Variants in TRANK1 observed in about 807,000 individuals in gnomAD.
TRANK1 encodes tetratricopeptide repeat and ankyrin repeat containing 1.
A neutral mutation model predicts 266.0 loss-of-function variants in TRANK1; 198 were observed. The observed-to-expected ratio is 0.74, with a 90% CI of 0.66 to 0.84. The LOEUF (loss-of-function observed/expected upper bound fraction) is 0.84. TRANK1 is among the 40% of genes least tolerant of loss of function. The probability of loss-of-function intolerance (pLI) is 0.00; values close to 1 mark genes in which losing one functional copy is unlikely to be tolerated. For missense variants in TRANK1, 3,326 were observed against 3,634.6 expected (o/e 0.92, Z 2.18); for synonymous variants, 1,396 against 1,384.1 (o/e 1.01, Z -0.19).
chr3:36,924,540 GC>G (rs1301714194), intron 1 of TRANK1, among the ~76,000 whole-genome samples: 1 of 152,160 alleles, frequency 6.6e-6, no homozygotes, highest in Non-Finnish European at 1.5e-5. Context: ...GTGTAACACA[GC>G]ATAACCCTTA....
At chr3:36,887,236 G>C (rs745908438) in intron 8 of TRANK1, among the ~76,000 whole-genome samples, 13 of 152,154 alleles carry the variant, frequency 8.5e-5, no homozygotes, top group Non-Finnish European at 1.5e-5. Flanking sequence ...CTTTAGCACA[G>C]TGGTATGCTA....
Position 36,856,197 on chromosome 3 carries a change from A to C in TRANK1, c.3525T>G (p.Ala1175=). The change falls in exon 13 of 24, where the codon GCT becomes GCG. Residue 1175 remains alanine (A), a synonymous_variant. Transcript: ENST00000645898. ...AGVEPAGDGQ[A]AEVCAPEHPH... The stretch of plus-strand genomic sequence containing the variant: ...GATGTTCTGGTGCACATACTTCTGC[A>C]GCTTGGCCGTCCCCTGCTGGCTCCA... 2 of 1,613,952 alleles carry C rather than the reference A, an allele frequency of 1.2e-6. No individual in the cohort carries two copies. The highest frequency in any genetic ancestry group is 1.7e-6 in the Non-Finnish European group (2 of 1,179,872).
At position 36,856,452 on chromosome 3, in the gene TRANK1, C is replaced by T. The variant is rs1487110717; in HGVS notation, c.3270G>A (p.Leu1090=). The change falls in exon 13 of 24, where the codon TTG becomes TTA. Residue 1090 remains leucine, a synonymous_variant. Coordinates refer to ENST00000645898, the MANE Select transcript of TRANK1 (RefSeq NM_001329998.2). The part of the protein sequence containing the change: ...TGKTTCCLYR[L]WKKFHVYWEK... ...CCCAGTAAACGTGGAATTTCTTCCA[C>T]AATCTGTACAAGCAGCAGGTTGTCT... 1 of 1,613,962 alleles carries T rather than the reference C, an allele frequency of 6.2e-7. No individual in the cohort carries two copies. The highest frequency in any genetic ancestry group is 1.3e-5 in the African/African-American group (1 of 75,030).
intron 8 of TRANK1, among the ~76,000 whole-genome samples, chr3:36,889,251 A>G (rs146626724): frequency 1.2e-4 from 19 of 152,310 alleles, no homozygotes; most frequent in Admixed American, 3.9e-4. Flanking sequence ...GAGAGTTTCA[A>G]GAAAAATGAG....
intron 1 of TRANK1, among the ~76,000 whole-genome samples, chr3:36,936,420 A>G: frequency 6.6e-6 from 1 of 152,098 alleles, no homozygotes; most frequent in East Asian, 1.9e-4. Flanking sequence ...GAAGAGGTCA[A>G]GCCTGCAGTG....
intron 8 of TRANK1, among the ~76,000 whole-genome samples, chr3:36,888,633 T>G (rs903044307): frequency 6.6e-6 from 1 of 152,214 alleles, no homozygotes; most frequent in Non-Finnish European, 1.5e-5. Context: ...GAGAGGAAAC[T>G]GCAGTTTCCT....
rs781070115 is a variant in TRANK1 at position 36,833,295 on chromosome 3, C to A, written c.6288G>T (p.Arg2096Ser). 1 of 1,613,986 alleles carries A rather than the reference C, an allele frequency of 6.2e-7. No individual in the cohort carries two copies. The change falls in exon 22 of 24, where the codon AGG becomes AGT. Residue 2096 changes from arginine to serine, a missense_variant. Coordinates refer to ENST00000645898, the MANE Select transcript of TRANK1 (RefSeq NM_001329998.2). ...GGLEILLSLVRALKRVTNNAE... is the reference protein window; with the variant it reads ...GGLEILLSLVSALKRVTNNAE... Reference sequence around the variant, plus strand: ...CATTGTTGGTCACTCTTTTGAGAGCCCTGACCAGACTGAGGAGGATTTCCA... The same window carrying A: ...CATTGTTGGTCACTCTTTTGAGAGCACTGACCAGACTGAGGAGGATTTCCA...
rs1213495298 is a variant in TRANK1, at chr3:36,831,564, C to T, written c.8019G>A (p.Leu2673=). 1 of 1,613,470 alleles carries T rather than the reference C, an allele frequency of 6.2e-7. No individual in the cohort carries two copies. The highest frequency in any genetic ancestry group is 8.5e-7 in the Non-Finnish European group (1 of 1,179,626). ...AGTAGTCCACAGGGTCCAAACAGAG[C>T]AGGCGGTTTAGTCTGACCTCCTCAT... is the stretch of plus-strand genomic sequence containing the variant. ...LYYEEVRLNR[L]LCLDPVDYFA... Residue 2673 remains leucine, a synonymous_variant, in exon 22 of 24, where the codon CTG becomes CTA. Coordinates refer to ENST00000645898, the MANE Select transcript of TRANK1 (RefSeq NM_001329998.2). This position sits in a 1 kb window ranked among gnomAD's most constrained non-coding sequence, Gnocchi z 5.0.
At chr3:36,939,984 G>C (rs980233064) in intron 1 of TRANK1, among the ~76,000 whole-genome samples, 3 of 151,386 alleles carry the variant, frequency 2.0e-5, no homozygotes, top group African/African-American at 7.3e-5. Context: ...TCCACCTCCC[G>C]GGTTCAAGCG....
chr3:36,851,061 C>A lies in TRANK1; in HGVS notation c.4887+658G>T, dbSNP rs918715757. Reference sequence around the variant, plus strand: ...AACGGCTGTGAGTTGGTAGCTCTACCCATAATGAACTAAGCTTGGGGAGAA... The same window carrying A: ...AACGGCTGTGAGTTGGTAGCTCTACACATAATGAACTAAGCTTGGGGAGAA... On this transcript the variant is annotated intron_variant, in intron 15 of 23. Transcript: ENST00000645898. 3 of 985,342 alleles carry A rather than the reference C, an allele frequency of 3.0e-6. No homozygotes were observed. In the African/African-American group the frequency reaches 5.2e-5, roughly 17 times the overall value. The allele number at this position is 985,342 out of a possible 1,614,324, so 61.0% of individuals were successfully genotyped here.
chr3:36,833,474 C>T lies in TRANK1; in HGVS notation c.6109G>A (p.Gly2037Arg). Residue 2037 changes from glycine to arginine, a missense_variant, in exon 22 of 24, where the codon GGG (glycine) becomes AGG (arginine). Coordinates refer to ENST00000645898, the MANE Select transcript of TRANK1 (RefSeq NM_001329998.2). Reference protein sequence around the residue: ...SGIAEAHFLQGVILRDFQKLR... With the variant: ...SGIAEAHFLQRVILRDFQKLR... ...TTCTGAAAGTCTCTCAGGATTACCC[C>T]TTGCAGGAAGTGGGCCTCCGCAATG... is the stretch of plus-strand genomic sequence containing the variant. 2 of 1,613,904 alleles carry T rather than the reference C, an allele frequency of 1.2e-6. No individual in the cohort carries two copies. Among genetic ancestry groups the T allele is most frequent in the Non-Finnish European group, 1.7e-6 (2 of 1,179,822 alleles).
At chr3:36,874,891 C>A (rs1383187099) in intron 8 of TRANK1, among the ~76,000 whole-genome samples, 1 of 151,546 alleles carries the variant, frequency 6.6e-6, no homozygotes, top group Admixed American at 6.6e-5. Context: ...TGGGGGTACA[C>A]AAAGACTTAA....
intron 6 of TRANK1, 82 bp downstream of exon 6, chr3:36,892,819 C>T (rs2079721643): frequency 7.6e-6 from 4 of 527,258 alleles, no homozygotes; most frequent in Non-Finnish European, 1.0e-5. Flanking sequence ...AAGGGCGAGA[C>T]TCAGTCTCAA....
chr3:36,829,171 G>A (rs1013070605), intron 23 of TRANK1, among the ~76,000 whole-genome samples: 5 of 152,146 alleles, frequency 3.3e-5, no homozygotes, highest in Admixed American at 6.5e-5. Flanking sequence ...ACACTAATAT[G>A]TACTAGAACC....
chr3:36,859,669 T>C (rs2079108190), intron 11 of TRANK1, among the ~76,000 whole-genome samples: 1 of 152,124 alleles, frequency 6.6e-6, no homozygotes, highest in East Asian at 1.9e-4. Context: ...CCACTATAGA[T>C]CTGCAGTCTC....
Position 36,851,712 on chromosome 3 carries a change from G to C in TRANK1, c.4887+7C>G, listed in dbSNP as rs543572852. The C allele has an allele frequency of 6.2e-7, 1 of 1,606,540 alleles. No homozygotes were observed. Among genetic ancestry groups the C allele is most frequent in the African/African-American group, 1.3e-5 (1 of 74,418 alleles). On this transcript the variant is annotated splice_region_variant and intron_variant, in intron 15 of 23. Transcript: ENST00000645898. ...TCATTGTGTGAAAAGAATTAGGTGTGACATACCTCAGAATCAGTAAAAAAG... is the reference window on the plus strand; with the variant it reads ...TCATTGTGTGAAAAGAATTAGGTGTCACATACCTCAGAATCAGTAAAAAAG...
intron 17 of TRANK1, among the ~76,000 whole-genome samples, chr3:36,845,870 G>C (rs573981539): frequency 6.6e-6 from 1 of 152,282 alleles, no homozygotes; most frequent in Non-Finnish European, 1.5e-5. Context: ...AAATATCTCA[G>C]ATATATCCCT....
At chr3:36,853,226 A>G (rs113022377) in intron 13 of TRANK1, among the ~76,000 whole-genome samples, 42 of 152,268 alleles carry the variant, frequency 2.8e-4, no homozygotes, top group African/African-American at 9.9e-4. Flanking sequence ...ACAAACAGGA[A>G]CTCTGAGGTC....
At chr3:36,925,603 T>C (rs560495287) in intron 1 of TRANK1, among the ~76,000 whole-genome samples, 1 of 151,862 alleles carries the variant, frequency 6.6e-6, no homozygotes, top group African/African-American at 2.4e-5. Flanking sequence ...TTTTTTTTTT[T>C]TTTTTGAGAC....
Sources: gnomAD v4.1 joint callset for allele counts (sites outside exome capture counted in the v4.1 genomes callset) on GRCh38, gnomAD v4.1.1 for gene constraint, Gnocchi (gnomAD v3.1) non-coding constraint, MANE v1.5 for transcripts, NCBI Gene and HGNC (gene_info 2026-07-23, HGNC 2026-07-21) for gene names.